FBLN5: variants seen among roughly 807,000 people sequenced by gnomAD.
FBLN5 encodes fibulin 5, also known as fibulin-5.
FBLN5 carries 24 observed loss-of-function variants against 61.6 expected under a neutral mutation model. The ratio of observed to expected loss-of-function variants is 0.39; its 90% CI spans 0.28 to 0.55. FBLN5 has a LOEUF of 0.55. FBLN5 is among the 20% of genes least tolerant of loss of function. The pLI, the probability that FBLN5 is intolerant of heterozygous loss-of-function variation, is 0.65. For missense variants in FBLN5, 470 were observed against 594.1 expected, an observed-to-expected ratio of 0.79 and a Z score of 2.17; for synonymous variants, 213 against 219.8, an observed-to-expected ratio of 0.97 and a Z score of 0.27.
At chr14:91,914,813 GTTTTT>G (rs201624750) in intron 4 of FBLN5, among the ~76,000 whole-genome samples, 6 of 145,132 alleles carry the variant, frequency 4.1e-5, no homozygotes, top group African/African-American at 1.3e-4. Flanking sequence ...TATCTGTGTG[GTTTTT>G]TTTTTTGTTT....
At chr14:91,891,480 A>G in intron 5 of FBLN5, 143 bp from the exon 6 acceptor site, 1 of 729,706 alleles carries the variant, frequency 1.4e-6, no homozygotes, top group African/African-American at 1.7e-5. Context: ...GTGCCTACTG[A>G]GTGTCACGGA....
chr14:91,874,017 C>T (rs1345085661), intron 10 of FBLN5: 2 of 152,386 alleles, frequency 1.3e-5, no homozygotes, highest in African/African-American at 2.4e-5. Flanking sequence ...CTTTCTAGGG[C>T]TCAGTGAGAG....
At chr14:91,915,703 A>G (rs969480131) in intron 4 of FBLN5, among the ~76,000 whole-genome samples, 35 of 150,642 alleles carry the variant, frequency 2.3e-4, no homozygotes, top group Non-Finnish European at 3.7e-4. Flanking sequence ...AAAAAAAAAA[A>G]AAAAAAAAGA....
chr14:91,875,182 G>A (rs954868481), intron 10 of FBLN5, among the ~76,000 whole-genome samples: 12 of 152,072 alleles, frequency 7.9e-5, no homozygotes, highest in Admixed American at 2.6e-4. Flanking sequence ...ATCAAGAGGG[G>A]TTTTCAAAAA....
At chr14:91,903,825 C>T (rs1294408005) in intron 4 of FBLN5, among the ~76,000 whole-genome samples, 2 of 152,118 alleles carry the variant, frequency 1.3e-5, no homozygotes, top group African/African-American at 2.4e-5. Context: ...TCCTTACATC[C>T]CCTACCCCAA....
chr14:91,927,527 T>C (rs2055849751), intron 4 of FBLN5, among the ~76,000 whole-genome samples: 1 of 152,260 alleles, frequency 6.6e-6, no homozygotes, highest in South Asian at 2.1e-4. Flanking sequence ...AAACTAGCCT[T>C]GACAACAAAA....
intron 6 of FBLN5, among the ~76,000 whole-genome samples, chr14:91,888,101 C>T (rs1336461239): frequency 1.3e-5 from 2 of 151,602 alleles, no homozygotes; most frequent in Non-Finnish European, 2.9e-5. Context: ...GAGTTTGAGA[C>T]CAACCTGGGC....
chr14:91,934,460 AT>A (rs2055979937), intron 4 of FBLN5, among the ~76,000 whole-genome samples: 1 of 152,142 alleles, frequency 6.6e-6, no homozygotes, highest in South Asian at 2.1e-4. Flanking sequence ...CGCATTAATT[AT>A]TGTAAAGGTC....
rs145655748 is a variant in FBLN5, at chr14:91,875,366, C to T, written c.1185+2121G>A. Among the ~76,000 whole-genome samples the T allele has an allele frequency of 4.2e-3, 646 of 152,228 alleles. 7 individuals carry two copies. The highest frequency in any genetic ancestry group is 0.015 in the African/African-American group (626 of 41,536). ...ATCCTGAAAGGCCCTTGTGTAAGGTCTGCTGCCAGGATGCAGTGATACCCT... is the reference window on the plus strand; with the variant it reads ...ATCCTGAAAGGCCCTTGTGTAAGGTTTGCTGCCAGGATGCAGTGATACCCT... On this transcript the variant is annotated intron_variant, in intron 10 of 10. Coordinates refer to ENST00000342058, the MANE Select transcript of FBLN5 (RefSeq NM_006329.4).
At chr14:91,921,194 A>C (rs2055727998) in intron 4 of FBLN5, among the ~76,000 whole-genome samples, 1 of 152,212 alleles carries the variant, frequency 6.6e-6, no homozygotes, top group Non-Finnish European at 1.5e-5. Flanking sequence ...GAAAAGGCTC[A>C]AGCATGAAAA....
At chr14:91,902,349 C>T (rs561436762) in intron 4 of FBLN5, among the ~76,000 whole-genome samples, 46 of 147,176 alleles carry the variant, frequency 3.1e-4, no homozygotes, top group Non-Finnish European at 3.0e-4. Flanking sequence ...AGCAAACAGA[C>T]GTGGAGTTCA....
intron 4 of FBLN5, 56 bp from the exon 5 acceptor site, chr14:91,895,128 G>T (rs1890169034): frequency 6.2e-7 from 1 of 1,609,144 alleles, no homozygotes; most frequent in South Asian, 1.1e-5. Flanking sequence ...GAGCCCTGGA[G>T]CCACCAGGGG....
chr14:91,899,676 C>G (rs1344407202), intron 4 of FBLN5, among the ~76,000 whole-genome samples: 1 of 152,202 alleles, frequency 6.6e-6, no homozygotes, highest in African/African-American at 2.4e-5. Flanking sequence ...AGGACAGTGG[C>G]CTACATATTT....
chr14:91,908,567 G>T (rs1407674960), intron 4 of FBLN5, among the ~76,000 whole-genome samples: 1 of 152,216 alleles, frequency 6.6e-6, no homozygotes, highest in Non-Finnish European at 1.5e-5. Context: ...CCTGAAAGGA[G>T]GAGACAAGTC....
intron 7 of FBLN5, among the ~76,000 whole-genome samples, chr14:91,884,732 G>A (rs940296979): frequency 6.6e-6 from 1 of 152,240 alleles, no homozygotes; most frequent in African/African-American, 2.4e-5. Flanking sequence ...GAGCCCTGAG[G>A]TTGGGGCAAG....
At chr14:91,903,831 C>G (rs906590636) in intron 4 of FBLN5, among the ~76,000 whole-genome samples, 14 of 152,292 alleles carry the variant, frequency 9.2e-5, no homozygotes, top group Non-Finnish European at 1.8e-4. Context: ...CATCCCCTAC[C>G]CCAAAGACTC....
chr14:91,918,358 C>T (rs181968226), intron 4 of FBLN5, among the ~76,000 whole-genome samples: 6 of 152,326 alleles, frequency 3.9e-5, no homozygotes, highest in African/African-American at 1.4e-4. Context: ...CTCTCTACAG[C>T]AGACCCAGAT....
Position 91,877,395 on chromosome 14 carries a change from C to A in FBLN5, c.1185+92G>T, listed in dbSNP as rs1889216939. 2.8e-6 allele frequency: 3 copies of A among 1,058,558 alleles called. No individual in the cohort carries two copies. In the East Asian group the frequency reaches 7.1e-5, roughly 25 times the overall value. The allele number at this position is 1,058,558 out of a possible 1,614,324, so 65.6% of individuals were successfully genotyped here. The stretch of plus-strand genomic sequence containing the variant: ...TCTCTGCCTACCTGTCCCCCAGCCC[C>A]ACTCTTACCTGCTTGCATACAGCAC... On this transcript the variant is annotated intron_variant, in intron 10 of 10. Transcript: ENST00000342058.
intron 4 of FBLN5, among the ~76,000 whole-genome samples, chr14:91,919,816 C>T (rs2055702265): frequency 1.3e-5 from 2 of 152,208 alleles, no homozygotes; most frequent in African/African-American, 2.4e-5. Flanking sequence ...CATTGTGATC[C>T]CAGACTTCTG....
Sources: gnomAD v4.1 joint callset for allele counts (sites outside exome capture counted in the v4.1 genomes callset) on GRCh38, gnomAD v4.1.1 for gene constraint, MANE v1.5 for transcripts, NCBI Gene and HGNC (gene_info 2026-07-23, HGNC 2026-07-21) for gene names.